The following RBMS3 variants were observed in gnomAD, a reference collection of about 807,000 sequenced individuals.
The protein encoded by RBMS3 is RNA-binding motif, single-stranded-interacting protein 3.
RBMS3 carries 27 observed loss-of-function variants against 66.8 expected under a neutral mutation model. That is an observed-to-expected ratio of 0.40 (90% CI 0.30 to 0.56). RBMS3 has a LOEUF of 0.56. Ranked by LOEUF, RBMS3 falls within the 20% of genes least tolerant of loss-of-function variation. RBMS3 has a pLI of 0.40. For missense variants in RBMS3, 513 were observed against 549.5 expected, an observed-to-expected ratio of 0.93 and a Z score of 0.66; for synonymous variants, 188 against 183.0, an observed-to-expected ratio of 1.03 and a Z score of -0.22.
chr3:29,691,905 G>T, intron 4 of RBMS3, among the ~76,000 whole-genome samples: 1 of 141,748 alleles, frequency 7.1e-6, no homozygotes, highest in African/African-American at 2.6e-5. Context: ...AACAAGTTAA[G>T]TATAAATCTT....
chr3:29,604,486 T>G (rs932387835), intron 4 of RBMS3, among the ~76,000 whole-genome samples: 1 of 152,066 alleles, frequency 6.6e-6, no homozygotes, highest in African/African-American at 2.4e-5. Context: ...TCATCATCCT[T>G]CCTATAGAGT....
chr3:29,965,264 T>C (rs762227092), intron 12 of RBMS3, among the ~76,000 whole-genome samples: 7 of 152,212 alleles, frequency 4.6e-5, no homozygotes, highest in African/African-American at 1.2e-4. Context: ...CTGGATCAAA[T>C]GGTAGTTCTA....
rs192900462 is a variant in RBMS3 at position 29,769,627 on chromosome 3, T to A, written c.637+6638T>A. On this transcript the variant is annotated intron_variant, in intron 6 of 14. Transcript: ENST00000383767. ...GACAAAGAGGGTTGTTTTTTTTCTT[T>A]ATTTATCTGATTTTGAATTTTCCAA... 4.3e-3 allele frequency among the ~76,000 whole-genome samples: 647 copies of A among 152,032 alleles called. 5 individuals carry two copies. Among genetic ancestry groups the A allele is most frequent in the African/African-American group, 0.014 (602 of 41,520 alleles).
intron 12 of RBMS3, among the ~76,000 whole-genome samples, chr3:29,968,860 G>A (rs142368933): frequency 2.0e-5 from 3 of 152,286 alleles, no homozygotes; most frequent in South Asian, 2.1e-4. Context: ...TCTGCCTTCC[G>A]TCCACCATGA....
intron 5 of RBMS3, among the ~76,000 whole-genome samples, chr3:29,741,967 T>C (rs1397849912): frequency 5.3e-5 from 8 of 152,152 alleles, no homozygotes; most frequent in Non-Finnish European, 1.5e-5. Context: ...AAAGGGGTAA[T>C]TACAAATACA....
At position 29,902,825 on chromosome 3, in the gene RBMS3, G is replaced by A. The variant is rs1166645228; in HGVS notation, c.939+3070G>A. On this transcript the variant is annotated intron_variant, in intron 10 of 14. Transcript: ENST00000383767. The stretch of plus-strand genomic sequence containing the variant: ...GTATTGCCTAGGCTAGAAGCCCTTC[G>A]GGTTCTCTCTCAGGCTTGACTTAAA... 4.0e-5 allele frequency among the ~76,000 whole-genome samples: 6 copies of A among 151,798 alleles called. No homozygotes were observed. The East Asian group carries it at 9.7e-4, about 25-fold the overall frequency.
Position 29,488,517 on chromosome 3 carries a change from C to T in RBMS3, c.307+18C>T, listed in dbSNP as rs3773022. 60,507 of 1,600,462 alleles carry T rather than the reference C, an allele frequency of 0.038. 2,254 individuals carry two copies. Among genetic ancestry groups the T allele is most frequent in the African/African-American group, 0.16 (12,281 of 74,514 alleles). On this transcript the variant is annotated intron_variant, in intron 3 of 14. Coordinates refer to ENST00000383767, the MANE Select transcript of RBMS3 (RefSeq NM_001003793.3). Reference sequence around the variant, plus strand: ...GTGCAAAGGTATGTGTAAGGGCATCCGTACCCTGAAATCTTGCCTATGCTA... The same window carrying T: ...GTGCAAAGGTATGTGTAAGGGCATCTGTACCCTGAAATCTTGCCTATGCTA...
intron 4 of RBMS3, among the ~76,000 whole-genome samples, chr3:29,666,011 C>A (rs528266216): frequency 1.2e-3 from 176 of 152,268 alleles, no homozygotes; most frequent in African/African-American, 4.0e-3. Context: ...CTTCTTGCTT[C>A]CTCTGTTCAA....
chr3:29,397,169 G>T (rs969451738), intron 1 of RBMS3, among the ~76,000 whole-genome samples: 43 of 152,076 alleles, frequency 2.8e-4, no homozygotes, highest in African/African-American at 9.9e-4. Context: ...CTCTTTAAAT[G>T]CATGTTTATA....
At chr3:29,888,561 A>G (rs1462351263) in intron 8 of RBMS3, among the ~76,000 whole-genome samples, 1 of 151,622 alleles carries the variant, frequency 6.6e-6, no homozygotes, top group Non-Finnish European at 1.5e-5. Flanking sequence ...CTGGAAAGTA[A>G]GACTCCCAAG....
At chr3:29,864,039 A>T (rs948855321) in intron 6 of RBMS3, among the ~76,000 whole-genome samples, 2 of 152,172 alleles carry the variant, frequency 1.3e-5, no homozygotes, top group African/African-American at 4.8e-5. Flanking sequence ...AAAGGTAGAG[A>T]TGGTCTCTTT....
chr3:29,877,221 T>C (rs1405649567), intron 7 of RBMS3, among the ~76,000 whole-genome samples: 1 of 152,088 alleles, frequency 6.6e-6, no homozygotes, highest in Non-Finnish European at 1.5e-5. Context: ...GATAAGAAAG[T>C]GAATGTCACC....
intron 10 of RBMS3, among the ~76,000 whole-genome samples, chr3:29,907,144 T>C (rs770488992): frequency 6.6e-5 from 10 of 152,158 alleles, no homozygotes; most frequent in Non-Finnish European, 1.5e-4. Context: ...TGTCCTGCCA[T>C]GTATCCCACT....
intron 4 of RBMS3, among the ~76,000 whole-genome samples, chr3:29,654,719 T>C (rs528570174): frequency 2.7e-4 from 41 of 151,610 alleles, no homozygotes; most frequent in African/African-American, 9.4e-4. Flanking sequence ...GCCACTAGAG[T>C]AGCTGGAATA....
At chr3:29,522,718 T>G (rs956998315) in intron 3 of RBMS3, among the ~76,000 whole-genome samples, 1 of 152,078 alleles carries the variant, frequency 6.6e-6, no homozygotes, top group African/African-American at 2.4e-5. Flanking sequence ...TCTTCAGTCT[T>G]TTATTCGTCT....
intron 4 of RBMS3, chr3:29,730,959 G>A (rs185445503): frequency 1.0e-6 from 1 of 985,240 alleles, no homozygotes; most frequent in African/African-American, 1.7e-5. Context: ...TATGGAGGGA[G>A]AAATCAAGGA....
At chr3:29,871,068 G>A (rs2059480069) in intron 7 of RBMS3, among the ~76,000 whole-genome samples, 3 of 152,050 alleles carry the variant, frequency 2.0e-5, no homozygotes, top group African/African-American at 7.2e-5. Flanking sequence ...ATATTAGCAA[G>A]TTGATAAAGT....
intron 12 of RBMS3, among the ~76,000 whole-genome samples, chr3:29,963,828 CAAAAA>C (rs759079889): frequency 1.2e-4 from 14 of 121,660 alleles, no homozygotes; most frequent in African/African-American, 4.1e-4. Context: ...CTGCCCCCTC[CAAAAA>C]AAAAAAAAAA....
rs573977899 is a variant in RBMS3, at chr3:29,512,429, T to G, written c.307+23930T>G. The stretch of plus-strand genomic sequence containing the variant: ...GAGATTATAAATGTTGCATTAATCC[T>G]TCTTTAATTTAATAATTAAGATTTA... On this transcript the variant is annotated intron_variant, in intron 3 of 14. Coordinates refer to ENST00000383767, the MANE Select transcript of RBMS3 (RefSeq NM_001003793.3). 1.1e-3 allele frequency among the ~76,000 whole-genome samples: 164 copies of G among 152,306 alleles called. 1 individual carries two copies. Among genetic ancestry groups the G allele is most frequent in the Middle Eastern group, 6.8e-3 (2 of 294 alleles).
Sources: allele counts gnomAD v4.1 joint callset (sites outside exome capture counted in the v4.1 genomes callset), GRCh38; gene constraint gnomAD v4.1.1; transcripts MANE v1.5; gene names NCBI Gene and HGNC (gene_info 2026-07-23, HGNC 2026-07-21).